Variants in LRMDA observed in about 807,000 individuals in gnomAD.
LRMDA encodes leucine-rich melanocyte differentiation-associated protein.
Under a neutral mutation model 29.8 loss-of-function variants are expected in LRMDA, and 18 were observed. That is an observed-to-expected ratio of 0.60 (90% confidence interval 0.42 to 0.90). The LOEUF (loss-of-function observed/expected upper bound fraction) is 0.90. LRMDA is among the 40% of genes least tolerant of loss of function. The pLI is 0.00. For missense variants in LRMDA, 273 were observed against 273.9 expected (o/e 1.00, Z 0.02); for synonymous variants, 125 against 109.4 (o/e 1.14, Z -0.89).
At chr10:76,356,153 A>T (rs568728207) in intron 6 of LRMDA, among the ~76,000 whole-genome samples, 1 of 152,216 alleles carries the variant, frequency 6.6e-6, no homozygotes, top group East Asian at 1.9e-4. Context: ...GGACAATTGC[A>T]AAGTGTTTTA....
At chr10:76,196,301 C>G (rs1851330441) in intron 5 of LRMDA, among the ~76,000 whole-genome samples, 1 of 152,234 alleles carries the variant, frequency 6.6e-6, no homozygotes, top group Admixed American at 6.5e-5. Flanking sequence ...ATTTCTTCAG[C>G]AAACATGGAG....
intron 6 of LRMDA, among the ~76,000 whole-genome samples, chr10:76,549,313 G>A (rs1843466145): frequency 6.6e-6 from 1 of 152,120 alleles, no homozygotes; most frequent in African/African-American, 2.4e-5. Flanking sequence ...CTTCCCTGCT[G>A]ACTGACTTCC....
intron 5 of LRMDA, among the ~76,000 whole-genome samples, chr10:76,090,528 G>C (rs1289745983): frequency 2.0e-5 from 3 of 152,184 alleles, no homozygotes; most frequent in African/African-American, 4.8e-5. Flanking sequence ...CTGCTTCTGA[G>C]TGTATACCCC....
At chr10:75,500,563 G>A (rs888646241) in intron 2 of LRMDA, among the ~76,000 whole-genome samples, 5 of 152,088 alleles carry the variant, frequency 3.3e-5, no homozygotes, top group African/African-American at 7.2e-5. Flanking sequence ...ATATTAGTCC[G>A]TTTTCACACT....
intron 2 of LRMDA, among the ~76,000 whole-genome samples, chr10:75,968,506 T>C (rs1846907297): frequency 6.6e-6 from 1 of 152,182 alleles, no homozygotes; most frequent in Non-Finnish European, 1.5e-5. Context: ...CATTCTAGAA[T>C]GTTCCCTGTG....
intron 5 of LRMDA, among the ~76,000 whole-genome samples, chr10:76,172,531 G>A (rs1850857543): frequency 6.6e-6 from 1 of 152,178 alleles, no homozygotes; most frequent in South Asian, 2.1e-4. Flanking sequence ...CATTAATGGA[G>A]AGGAGAGAAT....
At chr10:76,106,149 C>T (rs751225911) in intron 5 of LRMDA, among the ~76,000 whole-genome samples, 6 of 152,202 alleles carry the variant, frequency 3.9e-5, no homozygotes, top group African/African-American at 7.2e-5. Context: ...AATGAGTCCA[C>T]GCAAGCCTTG....
intron 2 of LRMDA, among the ~76,000 whole-genome samples, chr10:75,854,617 T>C (rs1844790654): frequency 1.3e-5 from 2 of 152,158 alleles, no homozygotes; most frequent in Non-Finnish European, 2.9e-5. Flanking sequence ...GTGCACAATG[T>C]GCAGGTTAGT....
At position 75,632,782 on chromosome 10, in the gene LRMDA, G is replaced by GTTTTTTTTTTTT. The variant is rs386371855; in HGVS notation, c.131+194304_131+194315dup. 5.3e-4 allele frequency among the ~76,000 whole-genome samples: 23 copies of GTTTTTTTTTTTT among 43,248 alleles called. 5 individuals are homozygous for GTTTTTTTTTTTT. Among genetic ancestry groups the GTTTTTTTTTTTT allele is most frequent in the African/African-American group, 5.9e-4 (7 of 11,832 alleles). 28.4% of individuals were successfully genotyped at this position (43,248 alleles called of 152,430 possible). A position where few individuals can be genotyped will look rare whatever the true frequency, so the allele number is the denominator to read the frequency against. On this transcript the variant is annotated intron_variant, in intron 2 of 6. Coordinates refer to ENST00000611255, the MANE Select transcript of LRMDA (RefSeq NM_001305581.2). ...TAGTTTTTTTGTTTAGTTTAGTTTA[G>GTTTTTTTTTTTT]TTTTTTTTTTTTTTTTTTTTTTTTT...
At position 75,431,732 on chromosome 10, in the gene LRMDA, G is replaced by A; in HGVS notation, c.8G>A (p.Gly3Glu). 7.3e-7 allele frequency: 1 copy of A among 1,365,252 alleles called. No homozygotes were observed. The highest frequency in any genetic ancestry group is 9.5e-7 in the Non-Finnish European group (1 of 1,054,556). 84.6% of individuals were successfully genotyped at this position (1,365,252 alleles called of 1,614,324 possible). Reference protein sequence around the residue: MAGLVVRGTQVSY... With the variant: MAELVVRGTQVSY... ...CGCAGCGTCCTGGCCGCCATGGCCG[G>A]GCTCGTGGTGCGTGGAACTCAAGTA... is the stretch of plus-strand genomic sequence containing the variant. Residue 3 changes from glycine (G) to glutamate (E), a missense_variant, in exon 1 of 7, where the codon GGG (glycine) becomes GAG (glutamate). By Grantham distance (98) the Gly-to-Glu change is moderately conservative. Coordinates refer to ENST00000611255, the MANE Select transcript of LRMDA (RefSeq NM_001305581.2).
chr10:76,087,842 C>A (rs1849161762), intron 5 of LRMDA, among the ~76,000 whole-genome samples: 1 of 152,150 alleles, frequency 6.6e-6, no homozygotes, highest in African/African-American at 2.4e-5. Context: ...TCTTAACTGG[C>A]CAAATGTGGT....
intron 2 of LRMDA, among the ~76,000 whole-genome samples, chr10:75,918,174 T>A (rs2132385644): frequency 6.6e-6 from 1 of 152,320 alleles, no homozygotes. Context: ...GTCGAGCAAG[T>A]AGAAAATCTG....
chr10:76,003,553 G>GA (rs1308943076), intron 2 of LRMDA, among the ~76,000 whole-genome samples: 2 of 152,078 alleles, frequency 1.3e-5, no homozygotes, highest in Non-Finnish European at 2.9e-5. Flanking sequence ...AAATGCTATG[G>GA]AAAAAAGAAA....
chr10:76,014,591 A>G (rs1847851820), intron 2 of LRMDA, among the ~76,000 whole-genome samples: 1 of 152,234 alleles, frequency 6.6e-6, no homozygotes, highest in African/African-American at 2.4e-5. Flanking sequence ...CATCAGAAAC[A>G]TAATGAAACA....
Position 75,814,067 on chromosome 10 carries a change from C to T in LRMDA, c.132-221941C>T, listed in dbSNP as rs561140258. ...TTGCCATTCTTCCTTTTGCCTTAGT[C>T]CTACATATGTGAACCATTTAGGAAT... On this transcript the variant is annotated intron_variant, in intron 2 of 6. Transcript: ENST00000611255. Among the ~76,000 whole-genome samples, 3 of 152,310 alleles carry T rather than the reference C, an allele frequency of 2.0e-5. No homozygotes were observed. The East Asian group carries it at 5.8e-4, about 29-fold the overall frequency.
chr10:75,894,068 G>C (rs1320379214), intron 2 of LRMDA, among the ~76,000 whole-genome samples: 1 of 151,998 alleles, frequency 6.6e-6, no homozygotes, highest in Non-Finnish European at 1.5e-5. Flanking sequence ...GGTACAGGTG[G>C]TATTTGGTTA....
At chr10:75,923,238 T>C (rs1054835326) in intron 2 of LRMDA, among the ~76,000 whole-genome samples, 4 of 152,220 alleles carry the variant, frequency 2.6e-5, no homozygotes, top group East Asian at 1.9e-4. Context: ...GTATCCTTAA[T>C]AAAATAACAT....
intron 5 of LRMDA, among the ~76,000 whole-genome samples, chr10:76,073,130 T>C (rs1370320008): frequency 6.6e-6 from 1 of 152,226 alleles, no homozygotes; most frequent in African/African-American, 2.4e-5. Context: ...CACAGACATA[T>C]GTGTGGTTAT....
At chr10:75,649,645 T>C (rs1410304119) in intron 2 of LRMDA, among the ~76,000 whole-genome samples, 2 of 152,242 alleles carry the variant, frequency 1.3e-5, no homozygotes, top group Admixed American at 1.3e-4. Context: ...CCTGTTTCTT[T>C]GTTCAGTTCT....
Sources: gnomAD v4.1 joint callset for allele counts (sites outside exome capture counted in the v4.1 genomes callset) on GRCh38, gnomAD v4.1.1 for gene constraint, MANE v1.5 for transcripts, NCBI Gene and HGNC (gene_info 2026-07-23, HGNC 2026-07-21) for gene names.